Variants in DOCK2 observed in about 807,000 individuals in gnomAD.
DOCK2 encodes dedicator of cytokinesis 2.
A neutral mutation model predicts 248.9 loss-of-function variants in DOCK2; 87 were observed. The observed-to-expected ratio is 0.35, with a 90% CI of 0.29 to 0.42. The LOEUF (loss-of-function observed/expected upper bound fraction) is 0.42, where lower values mean the gene tolerates loss of function less well. Among genes scored for constraint, DOCK2 ranks in the 10% least tolerant of loss-of-function variants. DOCK2 has a pLI of 1.00. For missense variants in DOCK2, 1,747 were observed against 2,300.2 expected (o/e 0.76, Z 4.92); for synonymous variants, 805 against 821.6 (o/e 0.98, Z 0.35).
chr5:169,901,794 A>G (rs1203925040), intron 27 of DOCK2, among the ~76,000 whole-genome samples: 1 of 152,240 alleles, frequency 6.6e-6, no homozygotes, highest in Non-Finnish European at 1.5e-5. Flanking sequence ...CCAGAGCCAA[A>G]TGGAGGGGTT....
At chr5:169,821,528 T>C (rs143796833) in intron 26 of DOCK2, among the ~76,000 whole-genome samples, 1 of 151,932 alleles carries the variant, frequency 6.6e-6, no homozygotes, top group South Asian at 2.1e-4. Flanking sequence ...CTAAGCTTCA[T>C]AAGTGAAGGA....
chr5:169,932,785 T>G (rs1282681899), intron 27 of DOCK2, among the ~76,000 whole-genome samples: 1 of 152,172 alleles, frequency 6.6e-6, no homozygotes, highest in East Asian at 1.9e-4. Flanking sequence ...CACTCACCTA[T>G]GCATAGTGTT....
chr5:169,921,086 C>T (rs1282595619), intron 27 of DOCK2, among the ~76,000 whole-genome samples: 1 of 152,156 alleles, frequency 6.6e-6, no homozygotes, highest in Non-Finnish European at 1.5e-5. Flanking sequence ...GTCTCAATCC[C>T]AGTGTTTTGC....
At chr5:169,688,686 A>G (rs1760121269) in intron 8 of DOCK2, among the ~76,000 whole-genome samples, 1 of 152,140 alleles carries the variant, frequency 6.6e-6, no homozygotes, top group Non-Finnish European at 1.5e-5. Flanking sequence ...CTGTAGCACA[A>G]TTTTATATAA....
At chr5:170,060,662 A>T (rs1757297286) in intron 44 of DOCK2, among the ~76,000 whole-genome samples, 1 of 152,232 alleles carries the variant, frequency 6.6e-6, no homozygotes, top group African/African-American at 2.4e-5. Context: ...GTCATGAGAG[A>T]GCACCTGTCC....
intron 26 of DOCK2, among the ~76,000 whole-genome samples, chr5:169,840,100 C>A (rs963508296): frequency 4.6e-5 from 7 of 152,196 alleles, no homozygotes; most frequent in African/African-American, 1.7e-4. Context: ...ATTCCACAGG[C>A]TGTACAGGAA....
At chr5:169,983,212 T>C in intron 28 of DOCK2, 46 bp downstream of exon 28, 1 of 1,591,216 alleles carries the variant, frequency 6.3e-7, no homozygotes, top group South Asian at 1.1e-5. Context: ...CTTCCATCTC[T>C]GGAACATGGC....
intron 23 of DOCK2, among the ~76,000 whole-genome samples, chr5:169,749,100 T>C (rs76993459): frequency 0.013 from 1,976 of 152,394 alleles, 56 homozygotes; most frequent in South Asian, 0.12. Context: ...CACTAAGTTC[T>C]CTTCACATGG....
At chr5:169,640,397 A>G (rs1001597465) in intron 1 of DOCK2, among the ~76,000 whole-genome samples, 3 of 152,202 alleles carry the variant, frequency 2.0e-5, no homozygotes, top group Non-Finnish European at 2.9e-5. Flanking sequence ...CTTGTAGGGG[A>G]GGGAAAAGCT....
At chr5:169,964,601 T>C (rs1777225937) in intron 27 of DOCK2, among the ~76,000 whole-genome samples, 1 of 152,176 alleles carries the variant, frequency 6.6e-6, no homozygotes, top group African/African-American at 2.4e-5. Flanking sequence ...AGGGCCACCC[T>C]TGAAGGGGCC....
chr5:169,948,207 A>G (rs1483259685), intron 27 of DOCK2, among the ~76,000 whole-genome samples: 2 of 152,192 alleles, frequency 1.3e-5, no homozygotes, highest in African/African-American at 4.8e-5. Flanking sequence ...GCTGTGACCT[A>G]GGCTCTGAAG....
chr5:169,921,269 T>C (rs1775161835), intron 27 of DOCK2, among the ~76,000 whole-genome samples: 1 of 152,246 alleles, frequency 6.6e-6, no homozygotes, highest in South Asian at 2.1e-4. Flanking sequence ...ATATTCAAGA[T>C]CATCACTTCC....
At chr5:169,874,410 CAAAAAAAAA>C (rs34525811) in intron 27 of DOCK2, among the ~76,000 whole-genome samples, 1 of 72,032 alleles carries the variant, frequency 1.4e-5, no homozygotes, top group African/African-American at 5.8e-5. Flanking sequence ...GACTCTGTCT[CAAAAAAAAA>C]AAAAAAAAAA....
At chr5:170,016,838 A>T (rs550424070) in intron 32 of DOCK2, among the ~76,000 whole-genome samples, 1 of 152,226 alleles carries the variant, frequency 6.6e-6, no homozygotes, top group African/African-American at 2.4e-5. Context: ...GACTTAAAGG[A>T]TCTTGAAGGA....
At chr5:169,967,916 A>T (rs1379534667) in intron 27 of DOCK2, among the ~76,000 whole-genome samples, 1 of 152,152 alleles carries the variant, frequency 6.6e-6, no homozygotes, top group African/African-American at 2.4e-5. Context: ...CTATGGCTGG[A>T]TTACTGTCCT....
At chr5:169,770,734 A>ATT (rs111323514) in intron 25 of DOCK2, among the ~76,000 whole-genome samples, 14 of 151,996 alleles carry the variant, frequency 9.2e-5, no homozygotes, top group African/African-American at 2.4e-4. Context: ...GAAGGAATTT[A>ATT]TTTTTTTTAC....
rs142755026 is a variant in DOCK2 at position 169,765,070 on chromosome 5, G to GCACACACACACA, written c.2554+3467_2554+3478dup. Among the ~76,000 whole-genome samples the GCACACACACACA allele has an allele frequency of 1.3e-3, 193 of 146,590 alleles. 2 individuals are homozygous for GCACACACACACA. Among genetic ancestry groups the GCACACACACACA allele is most frequent in the East Asian group, 0.011 (55 of 4,952 alleles). Reference sequence around the variant, plus strand: ...ATTTACCCCTCAGGGCTCTTTTAGCGCACACACACACACACACACACACAC... The same window carrying GCACACACACACA: ...ATTTACCCCTCAGGGCTCTTTTAGCGCACACACACACACACACACACACACACACACACACAC... On this transcript the variant is annotated intron_variant, in intron 25 of 51. Transcript: ENST00000520908.
At chr5:169,880,657 A>G (rs1772589106) in intron 27 of DOCK2, among the ~76,000 whole-genome samples, 1 of 152,178 alleles carries the variant, frequency 6.6e-6, no homozygotes, top group Non-Finnish European at 1.5e-5. Flanking sequence ...ACATTCACAT[A>G]TATTATTTCA....
chr5:169,736,333 G>A (rs533426242), intron 22 of DOCK2, among the ~76,000 whole-genome samples: 85 of 152,180 alleles, frequency 5.6e-4, no homozygotes, highest in Non-Finnish European at 9.7e-4. Context: ...TAGCTGAAAT[G>A]CAGCCCTGGA....
Sources: allele counts gnomAD v4.1 joint callset (sites outside exome capture counted in the v4.1 genomes callset), GRCh38; gene constraint gnomAD v4.1.1; transcripts MANE v1.5; gene names NCBI Gene and HGNC (gene_info 2026-07-23, HGNC 2026-07-21).